The following NR2E1 variants were observed in gnomAD, a reference collection of about 807,000 sequenced individuals.
NR2E1 encodes nuclear receptor subfamily 2 group E member 1, also known as nuclear receptor TLX.
In NR2E1, 5 loss-of-function variants were observed where a neutral mutation model predicts 43.6. The observed-to-expected ratio is 0.11, with a 90% CI of 0.06 to 0.24. The LOEUF (loss-of-function observed/expected upper bound fraction) is 0.24. Ranked by LOEUF, NR2E1 falls within the 10% of genes least tolerant of loss-of-function variation. The probability of loss-of-function intolerance (pLI) is 1.00; values close to 1 mark genes in which losing one functional copy is unlikely to be tolerated. For synonymous variants in NR2E1, 191 were observed against 195.5 expected (o/e 0.98, Z 0.19); for missense variants, 287 against 496.7 (o/e 0.58, Z 4.01).
intron 8 of NR2E1, among the ~76,000 whole-genome samples, chr6:108,184,017 A>AC (rs1774035553): frequency 6.6e-6 from 1 of 151,926 alleles, no homozygotes; most frequent in South Asian, 2.1e-4. Context: ...ACATGGTGAA[A>AC]CCCGTCTCTA....
At chr6:108,170,078 G>T (rs1440206337) in intron 1 of NR2E1, among the ~76,000 whole-genome samples, 1 of 151,352 alleles carries the variant, frequency 6.6e-6, no homozygotes, top group African/African-American at 2.4e-5. Flanking sequence ...CACCTGCGGT[G>T]CCTCGAGGCC....
Position 108,187,470 on chromosome 6 carries a change from A to G in NR2E1, c.*7A>G, listed in dbSNP as rs1478266675. On this transcript the variant is annotated 3_prime_UTR_variant, in exon 9 of 9. Coordinates refer to ENST00000368986, the MANE Select transcript of NR2E1 (RefSeq NM_003269.5). ...CAAATCCAGTGATATCTAAGCTCACAAGATACCCACTTTTCAGGATGGGAC... is the reference window on the plus strand; with the variant it reads ...CAAATCCAGTGATATCTAAGCTCACGAGATACCCACTTTTCAGGATGGGAC... 2 of 1,613,942 alleles carry G rather than the reference A, an allele frequency of 1.2e-6. No homozygotes were observed. Among genetic ancestry groups the G allele is most frequent in the African/African-American group, 2.7e-5 (2 of 74,936 alleles).
rs1335750719 is a variant in NR2E1, at chr6:108,187,872, T to A, written c.*409T>A. On this transcript the variant is annotated 3_prime_UTR_variant, in exon 9 of 9. Transcript: ENST00000368986. ...AAATATAGCTCTGTGTATAACATCGTACTGCGGCCTTCAAAACTACGTTAT... is the reference window on the plus strand; with the variant it reads ...AAATATAGCTCTGTGTATAACATCGAACTGCGGCCTTCAAAACTACGTTAT... The A allele has an allele frequency of 1.4e-5, 3 of 218,966 alleles. No individual in the cohort carries two copies. The Admixed American group carries it at 1.5e-4, about 11-fold the overall frequency. 13.6% of individuals were successfully genotyped at this position (218,966 alleles called of 1,614,324 possible).
chr6:108,177,574 A>T (rs903195502), intron 4 of NR2E1, among the ~76,000 whole-genome samples: 2 of 152,238 alleles, frequency 1.3e-5, no homozygotes, highest in Non-Finnish European at 2.9e-5. Context: ...GTGTATAATA[A>T]GCTCTGGAAA....
chr6:108,166,982 G>T lies in NR2E1; in HGVS notation c.25+192G>T, dbSNP rs1773719708. On this transcript the variant is annotated intron_variant, in intron 1 of 8. Coordinates refer to ENST00000368986, the MANE Select transcript of NR2E1 (RefSeq NM_003269.5). The surrounding 1 kb of genome is among the most constrained non-coding windows in gnomAD (Gnocchi z 7.2). Reference sequence around the variant, plus strand: ...TTCGTGGAGAGGGGAGAGCCGTTTCGTTGCCTCTGGATTGCTTGATCCCCC... The same window carrying T: ...TTCGTGGAGAGGGGAGAGCCGTTTCTTTGCCTCTGGATTGCTTGATCCCCC... 1.3e-5 allele frequency among the ~76,000 whole-genome samples: 2 copies of T among 152,216 alleles called. No homozygotes were observed. The highest frequency in any genetic ancestry group is 2.9e-5 in the Non-Finnish European group (2 of 68,006).
chr6:108,180,280 TA>T lies in NR2E1; in HGVS notation c.643-40del. 8.3e-7 allele frequency: 1 copy of T among 1,199,934 alleles called. No individual in the cohort carries two copies. The highest frequency in any genetic ancestry group is 1.7e-5 in the Admixed American group (1 of 58,254). The allele number at this position is 1,199,934 out of a possible 1,614,324, so 74.3% of individuals were successfully genotyped here. On this transcript the variant is annotated intron_variant, in intron 5 of 8. Transcript: ENST00000368986. The surrounding 1 kb of genome is among the most constrained non-coding windows in gnomAD (Gnocchi z 5.4). ...CATAGTGAAATTGTTTATAAATTTA[TA>T]AATTACACACTATATTATATTATAC...
At chr6:108,185,999 A>C (rs1774070438) in intron 8 of NR2E1, among the ~76,000 whole-genome samples, 1 of 152,348 alleles carries the variant, frequency 6.6e-6, no homozygotes, top group Non-Finnish European at 1.5e-5. Flanking sequence ...CTGAAGAATT[A>C]TCTCTACTAT....
At chr6:108,177,065 G>A (rs770536619) in intron 4 of NR2E1, among the ~76,000 whole-genome samples, 14 of 152,168 alleles carry the variant, frequency 9.2e-5, no homozygotes, top group Non-Finnish European at 1.9e-4. Context: ...ATGGGTGGTG[G>A]GTGGAGACCT....
intron 5 of NR2E1, among the ~76,000 whole-genome samples, chr6:108,179,754 G>A (rs1330621665): frequency 6.6e-6 from 1 of 152,018 alleles, no homozygotes; most frequent in East Asian, 1.9e-4. Context: ...CCTTGATGCT[G>A]TCCATTTATG....
chr6:108,176,862 G>T (rs1773908525), intron 4 of NR2E1, 124 bp downstream of exon 4: 2 of 919,090 alleles, frequency 2.2e-6, no homozygotes, highest in Non-Finnish European at 3.3e-6. Flanking sequence ...GTGCTTGGCG[G>T]GTCTCTGCAT....
intron 8 of NR2E1, among the ~76,000 whole-genome samples, chr6:108,185,971 G>A (rs1774070102): frequency 6.6e-6 from 1 of 152,186 alleles, no homozygotes; most frequent in Admixed American, 6.5e-5. Flanking sequence ...CGTCCAGGCA[G>A]CCACTGCCTC....
chr6:108,188,314 A>G lies in NR2E1; in HGVS notation c.*851A>G, dbSNP rs1304191131. 1 of 152,174 alleles carries G rather than the reference A, an allele frequency of 6.6e-6. No homozygotes were observed. The highest frequency in any genetic ancestry group is 1.5e-5 in the Non-Finnish European group (1 of 68,048). 9.4% of individuals were successfully genotyped at this position (152,174 alleles called of 1,614,324 possible). A position where few individuals can be genotyped will look rare whatever the true frequency, so the allele number is the denominator to read the frequency against. On this transcript the variant is annotated 3_prime_UTR_variant, in exon 9 of 9. Coordinates refer to ENST00000368986, the MANE Select transcript of NR2E1 (RefSeq NM_003269.5). The stretch of plus-strand genomic sequence containing the variant: ...TCCCGTTAACATAGTGCTGAAACCA[A>G]AGGCAGTGGGGGTCCAAACTCGTGG...
intron 4 of NR2E1, among the ~76,000 whole-genome samples, chr6:108,176,947 C>T (rs1231405708): frequency 6.6e-6 from 1 of 152,194 alleles, no homozygotes; most frequent in Non-Finnish European, 1.5e-5. Flanking sequence ...AGTCAACCTC[C>T]GAGTGGCTAC....
chr6:108,180,300 A>G lies in NR2E1; in HGVS notation c.643-23A>G, dbSNP rs757161744. ...ATTTATAAATTACACACTATATTAT[A>G]TTATACATCTATTGTATGACAGCTG... On this transcript the variant is annotated intron_variant, in intron 5 of 8. Transcript: ENST00000368986. The surrounding 1 kb of genome is among the most constrained non-coding windows in gnomAD (Gnocchi z 5.4). The G allele has an allele frequency of 7.4e-7, 1 of 1,356,116 alleles. No homozygotes were observed. Among genetic ancestry groups the G allele is most frequent in the South Asian group, 1.2e-5 (1 of 85,646 alleles). The allele number at this position is 1,356,116 out of a possible 1,614,324, so 84.0% of individuals were successfully genotyped here.
chr6:108,177,956 T>C, intron 4 of NR2E1, 139 bp from the exon 5 acceptor site: 1 of 877,160 alleles, frequency 1.1e-6, no homozygotes, highest in South Asian at 1.4e-5. Context: ...TACCCACCAA[T>C]GTCAACTGCA....
In NR2E1 at chr6:108,181,556, T is replaced by G; in HGVS notation, c.900T>G (p.His300Gln). 2.5e-6 allele frequency: 4 copies of G among 1,613,472 alleles called. No homozygotes were observed. The highest frequency in any genetic ancestry group is 3.4e-6 in the Non-Finnish European group (4 of 1,179,408). Reference protein sequence around the residue: ...CIVTFKAVPTHSGSELRSFRN... With the variant: ...CIVTFKAVPTQSGSELRSFRN... ...GGTCTTCATTTCTAGTTCCTACACATAGTGGTTCTGAACTGAGAAGTTTCC... is the reference window on the plus strand; with the variant it reads ...GGTCTTCATTTCTAGTTCCTACACAGAGTGGTTCTGAACTGAGAAGTTTCC... The change falls in exon 8 of 9, where the codon CAT becomes CAG. Residue 300 changes from histidine to glutamine, a missense_variant. By Grantham distance (24) the His-to-Gln change is conservative (BLOSUM62 0). This residue lies in a region of NR2E1 where 119 missense variants were observed against 187.0 expected (regional missense o/e 0.64). Coordinates refer to ENST00000368986, the MANE Select transcript of NR2E1 (RefSeq NM_003269.5).
intron 8 of NR2E1, among the ~76,000 whole-genome samples, chr6:108,181,921 G>C (rs1383994142): frequency 6.6e-6 from 1 of 152,196 alleles, no homozygotes; most frequent in Non-Finnish European, 1.5e-5. Flanking sequence ...CAACATTTGT[G>C]TGAATGGGTA....
In NR2E1 at chr6:108,174,444, G is replaced by T. The variant is rs563522099; in HGVS notation, c.172-392G>T. Among the ~76,000 whole-genome samples the T allele has an allele frequency of 5.9e-5, 9 of 152,156 alleles. No individual in the cohort carries two copies. In the South Asian group the frequency reaches 1.9e-3, roughly 32 times the overall value. On this transcript the variant is annotated intron_variant, in intron 2 of 8. Coordinates refer to ENST00000368986, the MANE Select transcript of NR2E1 (RefSeq NM_003269.5). ...GAACTTAGTGGCCTCTTTCTCTGGG[G>T]CCAAGTCGCTGTCTTCGGTCCTGAA...
intron 1 of NR2E1, chr6:108,168,093 C>T (rs770982822): frequency 1.2e-6 from 2 of 1,604,106 alleles, no homozygotes; most frequent in South Asian, 2.2e-5. Context: ...CAGAGCGGAC[C>T]CTGGCCCAGG....
Sources: allele counts gnomAD v4.1 joint callset (sites outside exome capture counted in the v4.1 genomes callset), GRCh38; gene constraint gnomAD v4.1.1; regional missense constraint gnomAD v4.1.1; non-coding constraint Gnocchi (gnomAD v3.1); transcripts MANE v1.5; gene names NCBI Gene and HGNC (gene_info 2026-07-23, HGNC 2026-07-21).